Variants in POMP observed in about 807,000 individuals in gnomAD.
The protein encoded by POMP is 2510048O06Rik.
POMP carries 12 observed loss-of-function variants against 20.6 expected under a neutral mutation model. The observed-to-expected ratio is 0.58, with a 90% CI of 0.37 to 0.94. POMP has a LOEUF of 0.94. Among genes scored for constraint, POMP ranks in the 40% least tolerant of loss-of-function variants. The probability of loss-of-function intolerance (pLI) is 0.01; values close to 1 mark genes in which losing one functional copy is unlikely to be tolerated. For missense variants in POMP, 136 were observed against 161.1 expected (o/e 0.84, Z 0.84); for synonymous variants, 53 against 55.0 (o/e 0.96, Z 0.16).
intron 1 of POMP, among the ~76,000 whole-genome samples, chr13:28,659,489 A>G (rs1273512584): frequency 6.6e-6 from 1 of 152,086 alleles, no homozygotes; most frequent in African/African-American, 2.4e-5. Context: ...TACTTGGCGC[A>G]GAAGTGGAAA....
chr13:28,676,553 A>T (rs900685936), intron 5 of POMP, among the ~76,000 whole-genome samples: 1 of 152,198 alleles, frequency 6.6e-6, no homozygotes, highest in Non-Finnish European at 1.5e-5. Context: ...GTTAAGGGTC[A>T]TGTTGATCAC....
chr13:28,668,494 A>G lies in POMP; in HGVS notation c.184A>G (p.Met62Val), dbSNP rs377480008. ...EKNFQLNQDK[M>V]NFSTLRNIQG... ...GTAGTTCCAGCTCAACCAAGATAAA[A>G]TGAATTTTTCCACACTGAGAAACAT... Residue 62 changes from methionine to valine, a missense_variant, in exon 4 of 6, where the codon ATG (methionine) becomes GTG (valine). Met to Val is a conservative substitution (Grantham distance 21). Coordinates refer to ENST00000380842, the MANE Select transcript of POMP (RefSeq NM_015932.6). 1 of 1,610,446 alleles carries G rather than the reference A, an allele frequency of 6.2e-7. No homozygotes were observed. Among genetic ancestry groups the G allele is most frequent in the Non-Finnish European group, 8.5e-7 (1 of 1,176,716 alleles).
chr13:28,668,495 T>C lies in POMP; in HGVS notation c.185T>C (p.Met62Thr). Reference protein sequence around the residue: ...EKNFQLNQDKMNFSTLRNIQG... With the variant: ...EKNFQLNQDKTNFSTLRNIQG... ...TAGTTCCAGCTCAACCAAGATAAAA[T>C]GAATTTTTCCACACTGAGAAACATT... Residue 62 changes from methionine (M) to threonine (T), a missense_variant, in exon 4 of 6, where the codon ATG (methionine) becomes ACG (threonine). Transcript: ENST00000380842. The C allele has an allele frequency of 6.2e-7, 1 of 1,610,730 alleles. No individual in the cohort carries two copies. The highest frequency in any genetic ancestry group is 8.5e-7 in the Non-Finnish European group (1 of 1,176,988).
At chr13:28,673,011 C>G (rs1379222296) in intron 5 of POMP, among the ~76,000 whole-genome samples, 10 of 150,188 alleles carry the variant, frequency 6.7e-5, no homozygotes. Context: ...TAAAAAGTAG[C>G]TCCCCAAAAA....
At chr13:28,674,863 C>G (rs1884602861) in intron 5 of POMP, among the ~76,000 whole-genome samples, 1 of 151,918 alleles carries the variant, frequency 6.6e-6, no homozygotes, top group South Asian at 2.1e-4. Flanking sequence ...AGATGAGACC[C>G]TGTCTCTACA....
Position 28,664,573 on chromosome 13 carries a change from A to G in POMP, c.162+4A>G. On this transcript the variant is annotated splice_donor_region_variant and intron_variant, in intron 3 of 5. Transcript: ENST00000380842. ...CCTTGAATTATCAGAAAAAAATGTA[A>G]GTATATTATTATGTCCTTATTTTTA... is the stretch of plus-strand genomic sequence containing the variant. 1 of 1,482,618 alleles carries G rather than the reference A, an allele frequency of 6.7e-7. No homozygotes were observed. Among genetic ancestry groups the G allele is most frequent in the Non-Finnish European group, 9.4e-7 (1 of 1,064,140 alleles). The allele number at this position is 1,482,618 out of a possible 1,614,324, so 91.8% of individuals were successfully genotyped here. A position where few individuals can be genotyped will look rare whatever the true frequency, so the allele number is the denominator to read the frequency against.
At chr13:28,671,805 T>C (rs1238858720) in intron 4 of POMP, among the ~76,000 whole-genome samples, 1 of 152,088 alleles carries the variant, frequency 6.6e-6, no homozygotes, top group Non-Finnish European at 1.5e-5. Context: ...GGTGTGATTA[T>C]CTTTAAAATA....
intron 1 of POMP, 98 bp downstream of exon 1, chr13:28,659,285 G>GGCGGCGGCA: frequency 2.6e-6 from 4 of 1,531,038 alleles, no homozygotes; most frequent in Non-Finnish European, 3.5e-6. Flanking sequence ...CGGTGGCGGC[G>GGCGGCGGCA]GCGGCGGCAG....
chr13:28,669,030 C>T (rs1884495388), intron 4 of POMP, among the ~76,000 whole-genome samples: 1 of 152,044 alleles, frequency 6.6e-6, no homozygotes, highest in South Asian at 2.1e-4. Context: ...TCAATGATGC[C>T]TTCTCAAGCT....
intron 3 of POMP, 124 bp from the exon 4 acceptor site, chr13:28,668,349 T>G (rs953408157): frequency 2.6e-5 from 18 of 695,108 alleles, no homozygotes; most frequent in Middle Eastern, 2.5e-4. Flanking sequence ...AAATACTTAG[T>G]TTTTATTACA....
chr13:28,666,735 C>T (rs934752566), intron 3 of POMP, among the ~76,000 whole-genome samples: 1 of 152,158 alleles, frequency 6.6e-6, no homozygotes, highest in Non-Finnish European at 1.5e-5. Flanking sequence ...TATTGCTGGC[C>T]TCTAGTAGCT....
rs1226159876 is a variant in POMP at position 28,665,927 on chromosome 13, T to A, written c.162+1358T>A. 3.9e-5 allele frequency among the ~76,000 whole-genome samples: 6 copies of A among 152,326 alleles called. No individual in the cohort carries two copies. In the South Asian group the frequency reaches 1.0e-3, roughly 26 times the overall value. ...GGAATAGTCAATTTGGAGGGAATAT[T>A]TTGATAGGGCTTTTTGGCCTCTGTC... On this transcript the variant is annotated intron_variant, in intron 3 of 5. Transcript: ENST00000380842.
chr13:28,662,378 C>G, intron 1 of POMP, 32 bp from the exon 2 acceptor site: 2 of 1,536,532 alleles, frequency 1.3e-6, no homozygotes, highest in South Asian at 1.1e-5. Context: ...AATTTTTTTT[C>G]TATTTAATAA....
At chr13:28,666,843 C>T (rs1001998439) in intron 3 of POMP, among the ~76,000 whole-genome samples, 14 of 152,126 alleles carry the variant, frequency 9.2e-5, no homozygotes, top group African/African-American at 3.4e-4. Flanking sequence ...CCTCCTGCCC[C>T]CTACAAGGGA....
At chr13:28,672,248 CAAAGAAT>C (rs775385024) in intron 4 of POMP, 84 bp from the exon 5 acceptor site, 11 of 1,093,830 alleles carry the variant, frequency 1.0e-5, no homozygotes, top group African/African-American at 6.2e-5. Flanking sequence ...AATTTTCAAA[CAAAGAAT>C]AAAGAACATG....
intron 1 of POMP, chr13:28,659,742 T>G (rs921904965): frequency 6.5e-6 from 1 of 154,866 alleles, no homozygotes; most frequent in Non-Finnish European, 1.4e-5. Flanking sequence ...CAGTTGCTAT[T>G]CCCTGTTTGC....
At chr13:28,661,449 G>C (rs1617799) in intron 1 of POMP, among the ~76,000 whole-genome samples, 6,759 of 152,256 alleles carry the variant, frequency 0.044, 505 homozygotes, top group African/African-American at 0.15. Context: ...CTGGATGACA[G>C]AGCAAGACCC....
At chr13:28,670,432 G>A (rs1214589917) in intron 4 of POMP, among the ~76,000 whole-genome samples, 1 of 151,972 alleles carries the variant, frequency 6.6e-6, no homozygotes, top group African/African-American at 2.4e-5. Flanking sequence ...CCTTGCCCCT[G>A]TCAGACTTCA....
In POMP at chr13:28,659,315, T is replaced by C. The variant is rs552853976; in HGVS notation, c.3+128T>C. ...CGGCAGCGTGGGGCTGAGGCCGGCC[T>C]CAGGCGCCATAATCTGTCGAGTCAC... On this transcript the variant is annotated intron_variant, in intron 1 of 5. Transcript: ENST00000380842. 146 of 1,438,884 alleles carry C rather than the reference T, an allele frequency of 1.0e-4. 2 individuals carry two copies. The South Asian group carries it at 1.4e-3, about 13-fold the overall frequency. The allele number at this position is 1,438,884 out of a possible 1,614,324, so 89.1% of individuals were successfully genotyped here. A position where few individuals can be genotyped will look rare whatever the true frequency, so the allele number is the denominator to read the frequency against.
Sources: allele counts gnomAD v4.1 joint callset (sites outside exome capture counted in the v4.1 genomes callset), GRCh38; gene constraint gnomAD v4.1.1; transcripts MANE v1.5; gene names NCBI Gene and HGNC (gene_info 2026-07-23, HGNC 2026-07-21).